The following GOLM1 variants were observed in gnomAD, a reference collection of about 807,000 sequenced individuals.
The protein encoded by GOLM1 is golgi membrane protein 1.
GOLM1 carries 31 observed loss-of-function variants against 50.5 expected under a neutral mutation model. The ratio of observed to expected loss-of-function variants is 0.61; its 90% CI spans 0.46 to 0.83. The LOEUF is 0.83. GOLM1 is among the 40% of genes least tolerant of loss of function. The probability of loss-of-function intolerance (pLI) is 0.00; values close to 1 mark genes in which losing one functional copy is unlikely to be tolerated. For missense variants in GOLM1, 491 were observed against 501.3 expected (o/e 0.98, Z 0.20); for synonymous variants, 178 against 192.8 (o/e 0.92, Z 0.64).
At chr9:86,077,096 G>A (rs1340543725) in intron 3 of GOLM1, among the ~76,000 whole-genome samples, 5 of 151,938 alleles carry the variant, frequency 3.3e-5, no homozygotes, top group African/African-American at 1.2e-4. Context: ...CACAGAGTAG[G>A]TATTTAATAC....
Position 86,033,262 on chromosome 9 carries a change from G to T in GOLM1, c.1129+20C>A. 1 of 1,330,592 alleles carries T rather than the reference G, an allele frequency of 7.5e-7. No individual in the cohort carries two copies. The highest frequency in any genetic ancestry group is 1.1e-6 in the Non-Finnish European group (1 of 921,314). The allele number at this position is 1,330,592 out of a possible 1,614,324, so 82.4% of individuals were successfully genotyped here. Reference sequence around the variant, plus strand: ...AGAAATGAAAGGTGACCTCGTCACCGATGTAGGCCCCATTCTTACCATCTA... The same window carrying T: ...AGAAATGAAAGGTGACCTCGTCACCTATGTAGGCCCCATTCTTACCATCTA... On this transcript the variant is annotated intron_variant, in intron 9 of 9. Coordinates refer to ENST00000388712, the MANE Select transcript of GOLM1 (RefSeq NM_016548.4).
At chr9:86,029,048 G>A (rs77713782) in intron 9 of GOLM1, among the ~76,000 whole-genome samples, 6,579 of 151,768 alleles carry the variant, frequency 0.043, 451 homozygotes, top group African/African-American at 0.15. Context: ...TAGTAGAGGC[G>A]GGTTTTCACC....
intron 3 of GOLM1, among the ~76,000 whole-genome samples, chr9:86,073,103 G>GA (rs1417205379): frequency 3.3e-5 from 5 of 151,762 alleles, no homozygotes; most frequent in South Asian, 2.1e-4. Context: ...AAAGGAAACT[G>GA]AAAAAAAGAT....
chr9:86,026,473 A>G lies in GOLM1; in HGVS notation c.*1344T>C, dbSNP rs1832787095. ...TCCCAGCTACTCGGGAGTCTGTGTG[A>G]GGCCAGGGGTGCCAGCGCACCAGCT... On this transcript the variant is annotated 3_prime_UTR_variant, in exon 10 of 10. Coordinates refer to ENST00000388712, the MANE Select transcript of GOLM1 (RefSeq NM_016548.4). 1 of 955,188 alleles carries G rather than the reference A, an allele frequency of 1.0e-6. No homozygotes were observed. Among genetic ancestry groups the G allele is most frequent in the African/African-American group, 1.8e-5 (1 of 56,630 alleles). The allele number at this position is 955,188 out of a possible 1,614,324, so 59.2% of individuals were successfully genotyped here. A position where few individuals can be genotyped will look rare whatever the true frequency, so the allele number is the denominator to read the frequency against.
At chr9:86,077,639 G>C in intron 2 of GOLM1, 48 bp from the exon 3 acceptor site, 13 of 1,432,476 alleles carry the variant, frequency 9.1e-6, no homozygotes, top group Non-Finnish European at 1.3e-5. Flanking sequence ...TACCTGAGGA[G>C]CCTGGACCAC....
chr9:86,070,838 T>C (rs1188959234), intron 3 of GOLM1, among the ~76,000 whole-genome samples: 2 of 152,010 alleles, frequency 1.3e-5, no homozygotes, highest in African/African-American at 4.8e-5. Context: ...GAGTGAAATA[T>C]TACACACAGA....
intron 4 of GOLM1, among the ~76,000 whole-genome samples, chr9:86,048,559 C>T (rs965886227): frequency 1.3e-5 from 2 of 152,098 alleles, no homozygotes; most frequent in African/African-American, 2.4e-5. Flanking sequence ...TTTTAATGAT[C>T]GTCATTCTAA....
intron 1 of GOLM1, among the ~76,000 whole-genome samples, chr9:86,081,819 G>A (rs1290822197): frequency 1.3e-5 from 2 of 151,338 alleles, no homozygotes; most frequent in Non-Finnish European, 2.9e-5. Context: ...AACCCATGAG[G>A]CGGAGCTTGC....
intron 5 of GOLM1, among the ~76,000 whole-genome samples, chr9:86,043,527 C>G (rs901805113): frequency 6.6e-6 from 1 of 152,118 alleles, no homozygotes; most frequent in African/African-American, 2.4e-5. Context: ...ACAAAGTGTT[C>G]GTACTTTTTA....
chr9:86,088,072 GCTT>G (rs1476324122), intron 1 of GOLM1, among the ~76,000 whole-genome samples: 5 of 151,888 alleles, frequency 3.3e-5, no homozygotes, highest in Non-Finnish European at 7.4e-5. Context: ...CTGGTCCTGG[GCTT>G]TTTTTGGTTG....
chr9:86,067,791 T>A (rs1834346078), intron 3 of GOLM1, among the ~76,000 whole-genome samples: 1 of 152,092 alleles, frequency 6.6e-6, no homozygotes, highest in Non-Finnish European at 1.5e-5. Flanking sequence ...TCACCTGAGG[T>A]CAGGAGTTCA....
At chr9:86,078,670 A>C (rs1178646077) in intron 2 of GOLM1, among the ~76,000 whole-genome samples, 1 of 152,160 alleles carries the variant, frequency 6.6e-6, no homozygotes, top group Non-Finnish European at 1.5e-5. Context: ...AATCAAGAGG[A>C]GCATCTTTGT....
chr9:86,033,435 T>C, intron 8 of GOLM1, 40 bp from the exon 9 acceptor site: 1 of 1,211,244 alleles, frequency 8.3e-7, no homozygotes, highest in Admixed American at 1.7e-5. Context: ...ACATCATTTC[T>C]GTCTTGATGT....
In GOLM1 at chr9:86,088,492, C is replaced by T. The variant is rs561899444; in HGVS notation, c.-21-9151G>A. Among the ~76,000 whole-genome samples the T allele has an allele frequency of 1.5e-4, 19 of 127,960 alleles. No homozygotes were observed. In the South Asian group the frequency reaches 4.7e-3, roughly 32 times the overall value. The allele number at this position is 127,960 out of a possible 152,430, so 83.9% of individuals were successfully genotyped here. A position where few individuals can be genotyped will look rare whatever the true frequency, so the allele number is the denominator to read the frequency against. The stretch of plus-strand genomic sequence containing the variant: ...ATAGGTCTTCTTGTTGCATTGATTC[C>T]TTTACCATTATGTAATGCCCTTTTT... On this transcript the variant is annotated intron_variant, in intron 1 of 9. Coordinates refer to ENST00000388712, the MANE Select transcript of GOLM1 (RefSeq NM_016548.4).
Position 86,053,832 on chromosome 9 carries a change from AACCAC to A in GOLM1, c.310-1246_310-1242del, listed in dbSNP as rs575932806. On this transcript the variant is annotated intron_variant, in intron 3 of 9. Coordinates refer to ENST00000388712, the MANE Select transcript of GOLM1 (RefSeq NM_016548.4). ...ACACCACACATCACACACCAAACCAAACCACACCACACCACACCACTCTACACCAC... is the reference window on the plus strand; with the variant it reads ...ACACCACACATCACACACCAAACCAAACCACACCACACCACTCTACACCAC... Among the ~76,000 whole-genome samples, 959 of 141,564 alleles carry A rather than the reference AACCAC, an allele frequency of 6.8e-3. 5 individuals carry two copies. The highest frequency in any genetic ancestry group is 9.8e-3 in the Non-Finnish European group (631 of 64,498). 92.9% of individuals were successfully genotyped at this position (141,564 alleles called of 152,430 possible). A position where few individuals can be genotyped will look rare whatever the true frequency, so the allele number is the denominator to read the frequency against.
intron 8 of GOLM1, 37 bp from the exon 9 acceptor site, chr9:86,033,432 TTC>T (rs769527791): frequency 7.9e-7 from 1 of 1,271,410 alleles, no homozygotes. Context: ...GCTACATCAT[TTC>T]TGTCTTGATG....
rs767302398 is a variant in GOLM1 at position 86,036,513 on chromosome 9, A to G, written c.598-6T>C. 3 of 1,613,626 alleles carry G rather than the reference A, an allele frequency of 1.9e-6. No individual in the cohort carries two copies. In the Admixed American group the frequency reaches 5.0e-5, roughly 27 times the overall value. Reference sequence around the variant, plus strand: ...GGCTCACTGAGGGCTTGGAGCTGAAACAGAAGCACAGGACAGCCAGCCAGG... The same window carrying G: ...GGCTCACTGAGGGCTTGGAGCTGAAGCAGAAGCACAGGACAGCCAGCCAGG... On this transcript the variant is annotated splice_polypyrimidine_tract_variant and splice_region_variant and intron_variant, in intron 6 of 9. Coordinates refer to ENST00000388712, the MANE Select transcript of GOLM1 (RefSeq NM_016548.4).
At position 86,026,772 on chromosome 9, in the gene GOLM1, A is replaced by ATTAAC. The variant is rs1043979769; in HGVS notation, c.*1040_*1044dup. On this transcript the variant is annotated 3_prime_UTR_variant, in exon 10 of 10. Coordinates refer to ENST00000388712, the MANE Select transcript of GOLM1 (RefSeq NM_016548.4). ...TTAAGTAGTAATTTTCAAAATTCACATTAACTTGATTTTAAAATCAGTTTT... is the reference window on the plus strand; with the variant it reads ...TTAAGTAGTAATTTTCAAAATTCACATTAACTTAACTTGATTTTAAAATCAGTTTT... 2 of 982,450 alleles carry ATTAAC rather than the reference A, an allele frequency of 2.0e-6. No homozygotes were observed. The highest frequency in any genetic ancestry group is 2.4e-6 in the Non-Finnish European group (2 of 827,314). 60.9% of individuals were successfully genotyped at this position (982,450 alleles called of 1,614,324 possible).
chr9:86,094,771 C>CA (rs1465960819), intron 1 of GOLM1, among the ~76,000 whole-genome samples: 2 of 151,922 alleles, frequency 1.3e-5, no homozygotes, highest in South Asian at 2.1e-4. Context: ...CCTGTCTCTA[C>CA]AAAAAAATAT....
Sources: gnomAD v4.1 joint callset for allele counts (sites outside exome capture counted in the v4.1 genomes callset) on GRCh38, gnomAD v4.1.1 for gene constraint, MANE v1.5 for transcripts, NCBI Gene and HGNC (gene_info 2026-07-23, HGNC 2026-07-21) for gene names.